The following RBBP8 variants were observed in gnomAD, a reference collection of about 807,000 sequenced individuals.
RBBP8 encodes the protein DNA endonuclease RBBP8.
Under a neutral mutation model 108.3 loss-of-function variants are expected in RBBP8, and 88 were observed. The observed-to-expected ratio is 0.81, with a 90% CI of 0.68 to 0.97. RBBP8 has a LOEUF of 0.97. RBBP8 is among the 50% of genes least tolerant of loss of function. The pLI, the probability that RBBP8 is intolerant of heterozygous loss-of-function variation, is 0.00. For missense variants in RBBP8, 1,023 were observed against 1,049.0 expected, an observed-to-expected ratio of 0.98 and a Z score of 0.34; for synonymous variants, 332 against 348.2, an observed-to-expected ratio of 0.95 and a Z score of 0.52.
At chr18:22,958,890 C>CTAA (rs540884274) in intron 4 of RBBP8, among the ~76,000 whole-genome samples, 2 of 152,146 alleles carry the variant, frequency 1.3e-5, no homozygotes, top group Non-Finnish European at 2.9e-5. Context: ...ACTTCTTGTA[C>CTAA]TAATTTAGGT....
intron 16 of RBBP8, among the ~76,000 whole-genome samples, chr18:23,012,208 C>CAAA (rs56096515): frequency 3.6e-5 from 4 of 109,610 alleles, no homozygotes; most frequent in Admixed American, 2.3e-4. Flanking sequence ...ATGCTGTCTC[C>CAAA]AAAAAAAAAA....
rs2046263021 is a variant in RBBP8, at chr18:23,016,821, C to T, written c.2358-7C>T. The T allele has an allele frequency of 1.3e-6, 2 of 1,589,494 alleles. No individual in the cohort carries two copies. Among genetic ancestry groups the T allele is most frequent in the Middle Eastern group, 1.7e-4 (1 of 6,026 alleles). ...AGCTTTGTTAATTTAATTCATTTTT[C>T]CCCCAGAGAGACTAGCTTGCAAAAT... On this transcript the variant is annotated splice_polypyrimidine_tract_variant and splice_region_variant and intron_variant, in intron 16 of 18. Transcript: ENST00000327155.
At chr18:23,022,919 T>TA (rs397768423) in intron 18 of RBBP8, among the ~76,000 whole-genome samples, 12 of 151,544 alleles carry the variant, frequency 7.9e-5, no homozygotes, top group East Asian at 1.9e-4. Flanking sequence ...TTTTTTTTTT[T>TA]ATAGGGCTTC....
At chr18:22,938,682 A>T (rs1427908291) in intron 2 of RBBP8, among the ~76,000 whole-genome samples, 1 of 152,138 alleles carries the variant, frequency 6.6e-6, no homozygotes, top group East Asian at 1.9e-4. Context: ...TCATTTACCC[A>T]CTTGCTCTGT....
intron 2 of RBBP8, among the ~76,000 whole-genome samples, chr18:22,942,871 G>A (rs1911220305): frequency 1.3e-5 from 2 of 151,756 alleles, no homozygotes; most frequent in South Asian, 4.2e-4. Context: ...ATGATCTTTT[G>A]CCTATGCCAG....
At chr18:22,962,057 T>C (rs1913146371) in intron 4 of RBBP8, among the ~76,000 whole-genome samples, 1 of 152,212 alleles carries the variant, frequency 6.6e-6, no homozygotes. Flanking sequence ...CCTTCTTAGG[T>C]AACACATTCC....
At chr18:22,916,354 T>C (rs185660507) in intron 2 of RBBP8, among the ~76,000 whole-genome samples, 209 of 152,138 alleles carry the variant, frequency 1.4e-3, no homozygotes, top group Middle Eastern at 6.8e-3. Context: ...GAATAACCAA[T>C]GAATCCAATA....
intron 15 of RBBP8, among the ~76,000 whole-genome samples, chr18:23,002,508 G>A (rs1302250192): frequency 6.6e-6 from 1 of 152,146 alleles, no homozygotes; most frequent in African/African-American, 2.4e-5. Context: ...ATGTAACTAT[G>A]TGTATTAGTC....
chr18:22,947,158 A>G (rs1911630355), intron 3 of RBBP8, among the ~76,000 whole-genome samples: 1 of 152,118 alleles, frequency 6.6e-6, no homozygotes, highest in African/African-American at 2.4e-5. Context: ...TAGACTATTC[A>G]CCTTCAGATA....
chr18:23,024,038 CTATTTTTTTT>C (rs2046415395), intron 18 of RBBP8, among the ~76,000 whole-genome samples: 1 of 101,202 alleles, frequency 9.9e-6, no homozygotes, highest in African/African-American at 3.2e-5. Flanking sequence ...CATACCCAGC[CTATTTTTTTT>C]TTTTTTTTTT....
At chr18:22,941,682 T>G (rs1360549933) in intron 2 of RBBP8, among the ~76,000 whole-genome samples, 2 of 152,030 alleles carry the variant, frequency 1.3e-5, no homozygotes, top group Non-Finnish European at 2.9e-5. Context: ...GATAATTCCT[T>G]TAAAGTGTAC....
At chr18:22,944,169 T>C (rs1042990284) in intron 2 of RBBP8, among the ~76,000 whole-genome samples, 1 of 152,330 alleles carries the variant, frequency 6.6e-6, no homozygotes, top group East Asian at 1.9e-4. Context: ...ACTTGGTGAA[T>C]AGCAAATGCT....
At chr18:22,938,307 GT>G (rs1334614822) in intron 2 of RBBP8, among the ~76,000 whole-genome samples, 1 of 151,794 alleles carries the variant, frequency 6.6e-6, no homozygotes, top group African/African-American at 2.4e-5. Flanking sequence ...GTTTGTTTTT[GT>G]TTTTGTTTTT....
chr18:22,937,097 A>G (rs2144398293), intron 2 of RBBP8, 137 bp downstream of exon 2: 2 of 1,483,736 alleles, frequency 1.3e-6, no homozygotes, highest in East Asian at 2.6e-5. Context: ...GATTTGGTAC[A>G]TGGATAGATT....
At chr18:22,938,786 G>T (rs1910797085) in intron 2 of RBBP8, among the ~76,000 whole-genome samples, 1 of 152,112 alleles carries the variant, frequency 6.6e-6, no homozygotes, top group Non-Finnish European at 1.5e-5. Context: ...AAAGTCATTT[G>T]ACAAACCCGT....
At chr18:22,991,569 A>G (rs185109449) in intron 10 of RBBP8, among the ~76,000 whole-genome samples, 2 of 152,338 alleles carry the variant, frequency 1.3e-5, no homozygotes, top group East Asian at 3.9e-4. Flanking sequence ...TATTGCATAT[A>G]ACCTGTGCAT....
chr18:22,975,385 T>G (rs1261086520), intron 6 of RBBP8, among the ~76,000 whole-genome samples, 166 bp downstream of exon 6: 7 of 152,178 alleles, frequency 4.6e-5, no homozygotes, highest in Admixed American at 4.6e-4. Flanking sequence ...ATAGTGTGAA[T>G]GCATCTCTTA....
At chr18:22,991,810 T>C (rs1007642290) in intron 10 of RBBP8, among the ~76,000 whole-genome samples, 1 of 152,182 alleles carries the variant, frequency 6.6e-6, no homozygotes, top group African/African-American at 2.4e-5. Context: ...GTACCTGTAT[T>C]TATATAGCAT....
chr18:22,948,920 G>A (rs1911793232), intron 3 of RBBP8, among the ~76,000 whole-genome samples: 1 of 152,124 alleles, frequency 6.6e-6, no homozygotes, highest in Admixed American at 6.5e-5. Flanking sequence ...AACTTTGGAA[G>A]GTAATCAGGT....
Sources: allele counts gnomAD v4.1 joint callset (sites outside exome capture counted in the v4.1 genomes callset), GRCh38; gene constraint gnomAD v4.1.1; transcripts MANE v1.5; gene names NCBI Gene and HGNC (gene_info 2026-07-23, HGNC 2026-07-21).